NOC4L: variants seen among roughly 807,000 people sequenced by gnomAD.
NOC4L encodes the protein nucleolar complex protein 4 homolog.
Under a neutral mutation model 62.8 loss-of-function variants are expected in NOC4L, and 40 were observed. The observed-to-expected ratio is 0.64, with a 90% confidence interval of 0.49 to 0.83. The LOEUF (loss-of-function observed/expected upper bound fraction) is 0.83. Among genes scored for constraint, NOC4L ranks in the 40% least tolerant of loss-of-function variants. The pLI, the probability that NOC4L is intolerant of heterozygous loss-of-function variation, is 0.00. For missense variants in NOC4L, 927 were observed against 701.9 expected (o/e 1.32, Z -3.62); for synonymous variants, 433 against 299.8 (o/e 1.44, Z -4.59).
chr12:132,151,582 T>C lies in NOC4L; in HGVS notation c.1172T>C (p.Ile391Thr). ...GCCCTGCTCATGGTCCTGCCTTTCA[T>C]CTGTAACCTGCTGCGCCGGCACCCT... ...PEALLMVLPF[I>T]CNLLRRHPAC... Residue 391 changes from isoleucine to threonine, a missense_variant, in exon 12 of 15, where the codon ATC (isoleucine) becomes ACC (threonine). Transcript: ENST00000330579. 1 of 1,611,230 alleles carries C rather than the reference T, an allele frequency of 6.2e-7. No homozygotes were observed. Among genetic ancestry groups the C allele is most frequent in the Non-Finnish European group, 8.5e-7 (1 of 1,179,438 alleles).
rs368007749 is a variant in NOC4L at position 132,145,575 on chromosome 12, A to G, written c.255A>G (p.Thr85=). ...TGTCTGCAGGGTCCCAGGGAGCCAC[A>G]CGGAAGTACAAGGTGTGGATGAGAC... The part of the protein sequence containing the change: ...EMVMTGSQGA[T]RKYKVWMRHR... Residue 85 remains threonine (T), a synonymous_variant, in exon 3 of 15, where the codon ACA becomes ACG. Coordinates refer to ENST00000330579, the MANE Select transcript of NOC4L (RefSeq NM_024078.3). The G allele has an allele frequency of 2.5e-6, 4 of 1,612,854 alleles. No homozygotes were observed. The highest frequency in any genetic ancestry group is 3.4e-6 in the Non-Finnish European group (4 of 1,179,594).
chr12:132,148,683 G>T (rs765554056), intron 8 of NOC4L, 24 bp downstream of exon 8: 15 of 1,537,410 alleles, frequency 9.8e-6, no homozygotes, highest in African/African-American at 1.4e-5. Flanking sequence ...CGGGGAGGGG[G>T]CGGGGGCGGC....
At position 132,147,385 on chromosome 12, in the gene NOC4L, C is replaced by T. The variant is rs1385128708; in HGVS notation, c.450C>T (p.Phe150=). Residue 150 remains phenylalanine, a synonymous_variant, in exon 4 of 15, where the codon TTC becomes TTT. Transcript: ENST00000330579. ...EGNYLFPREL[F]KLVVGGLLSP... Reference sequence around the variant, plus strand: ...ACTACCTGTTCCCCCGAGAGCTCTTCAAGGTGAGGGCCTTGCTGGGGACTC... The same window carrying T: ...ACTACCTGTTCCCCCGAGAGCTCTTTAAGGTGAGGGCCTTGCTGGGGACTC... 1 of 1,585,678 alleles carries T rather than the reference C, an allele frequency of 6.3e-7. No homozygotes were observed. The highest frequency in any genetic ancestry group is 1.3e-5 in the African/African-American group (1 of 74,478).
chr12:132,151,225 C>G, intron 10 of NOC4L, 33 bp from the exon 11 acceptor site: 1 of 1,572,240 alleles, frequency 6.4e-7, no homozygotes, highest in African/African-American at 1.3e-5. Context: ...CCGGGCCCTG[C>G]TCCATCCGCT....
chr12:132,151,248 C>T lies in NOC4L; in HGVS notation c.963-10C>T, dbSNP rs368495442. ...TGCTCCATCCGCTGCTCCTTCCCCCCGGCCCGCAGGGAGTACCCTGACTTC... is the reference window on the plus strand; with the variant it reads ...TGCTCCATCCGCTGCTCCTTCCCCCTGGCCCGCAGGGAGTACCCTGACTTC... On this transcript the variant is annotated splice_polypyrimidine_tract_variant and intron_variant, in intron 10 of 14. Transcript: ENST00000330579. 2.3e-5 allele frequency: 37 copies of T among 1,605,968 alleles called. No homozygotes were observed. Among genetic ancestry groups the T allele is most frequent in the South Asian group, 1.4e-4 (13 of 90,980 alleles).
chr12:132,148,806 A>C lies in NOC4L; in HGVS notation c.812A>C (p.Lys271Thr). ...KHKLPLSLYK[K>T]VLLIVHDAIL... ...CAGCTGCCCCTCAGCCTCTACAAGA[A>C]GGTGCTGCTGATTGTGCATGACGCC... Residue 271 changes from lysine (K) to threonine (T), a missense_variant, in exon 9 of 15, where the codon AAG (lysine) becomes ACG (threonine). Transcript: ENST00000330579. 6.3e-7 allele frequency: 1 copy of C among 1,590,486 alleles called. No individual in the cohort carries two copies. Among genetic ancestry groups the C allele is most frequent in the Non-Finnish European group, 8.5e-7 (1 of 1,172,752 alleles).
chr12:132,147,451 C>T (rs1000977919), intron 4 of NOC4L, 63 bp downstream of exon 4: 83 of 1,495,382 alleles, frequency 5.6e-5, no homozygotes, highest in East Asian at 9.7e-5. Flanking sequence ...AGGATGGCCC[C>T]GTAGTGGGGG....
At position 132,151,736 on chromosome 12, in the gene NOC4L, A is replaced by G. The variant is rs532646512; in HGVS notation, c.1235-2A>G. On this transcript the variant is annotated splice_acceptor_variant, in intron 12 of 14. Coordinates refer to ENST00000330579, the MANE Select transcript of NOC4L (RefSeq NM_024078.3). LOFTEE classifies it high-confidence loss of function. Reference sequence around the variant, plus strand: ...AGACAAGGGCCCACGTCTCATTCCTAGAGTTGGACGCCGACCCCTACGACC... The same window carrying G: ...AGACAAGGGCCCACGTCTCATTCCTGGAGTTGGACGCCGACCCCTACGACC... 193 of 1,612,228 alleles carry G rather than the reference A, an allele frequency of 1.2e-4. 5 individuals are homozygous for G. In the South Asian group the frequency reaches 2.1e-3, roughly 17 times the overall value.
Position 132,147,883 on chromosome 12 carries a change from C to T in NOC4L, c.607C>T (p.Pro203Ser), listed in dbSNP as rs761788217. 10 of 1,608,692 alleles carry T rather than the reference C, an allele frequency of 6.2e-6. No homozygotes were observed. The highest frequency in any genetic ancestry group is 1.3e-5 in the African/African-American group (1 of 75,002). The change falls in exon 6 of 15, where the codon CCC becomes TCC. Residue 203 changes from proline (P) to serine (S), a missense_variant. Physicochemically the swap from Pro to Ser is moderately conservative, Grantham distance 74. Transcript: ENST00000330579. ...ARVTGQHPEV[P>S]PAFWNNAFTL... Reference sequence around the variant, plus strand: ...GCACTCAGGCCAGGCTCCGCAGGTGCCCCCCGCCTTTTGGAACAATGCCTT... The same window carrying T: ...GCACTCAGGCCAGGCTCCGCAGGTGTCCCCCGCCTTTTGGAACAATGCCTT...
intron 1 of NOC4L, 43 bp downstream of exon 1, chr12:132,144,648 G>C: frequency 6.8e-7 from 1 of 1,470,436 alleles, no homozygotes; most frequent in Non-Finnish European, 8.9e-7. Flanking sequence ...CGGCACGGGA[G>C]CGGGACTTGA....
At position 132,147,982 on chromosome 12, in the gene NOC4L, G is replaced by A. The variant is rs772554226; in HGVS notation, c.703+3G>A. On this transcript the variant is annotated splice_donor_region_variant and intron_variant, in intron 6 of 14. Transcript: ENST00000330579. The stretch of plus-strand genomic sequence containing the variant: ...CAGCTTCTATGTGAAGCGGGCGGGT[G>A]AGTGTGCTGAGAGTCAGGGGCGGAC... 4.3e-6 allele frequency: 7 copies of A among 1,611,390 alleles called. No homozygotes were observed. Among genetic ancestry groups the A allele is most frequent in the African/African-American group, 2.7e-5 (2 of 74,884 alleles).
chr12:132,147,643 G>T lies in NOC4L; in HGVS notation c.464G>T (p.Gly155Val), dbSNP rs1461299747. ...GGTCCTTGCCCCTAGTTGGTGGTGG[G>T]AGGCCTGCTGTCTCCTGAGGAGGAC... ...FPRELFKLVV[G>V]GLLSPEEDQS... Residue 155 changes from glycine to valine, a missense_variant, in exon 5 of 15, where the codon GGA (glycine) becomes GTA (valine). Physicochemically the swap from Gly to Val is moderately radical, Grantham distance 109. Transcript: ENST00000330579. The T allele has an allele frequency of 1.9e-6, 3 of 1,612,840 alleles. No homozygotes were observed. The East Asian group carries it at 6.7e-5, about 36-fold the overall frequency.
At chr12:132,144,715 G>T in intron 1 of NOC4L, 110 bp downstream of exon 1, 1 of 1,462,178 alleles carries the variant, frequency 6.8e-7, no homozygotes, top group African/African-American at 1.4e-5. Context: ...TGGGGGGTCA[G>T]GGTGGGAGGC....
At chr12:132,145,050 C>G in intron 2 of NOC4L, 76 bp downstream of exon 2, 1 of 1,498,106 alleles carries the variant, frequency 6.7e-7, no homozygotes, top group Non-Finnish European at 9.0e-7. Context: ...ATGGGATGAG[C>G]GCCCCCAACC....
intron 3 of NOC4L, 123 bp from the exon 4 acceptor site, chr12:132,147,158 A>C (rs1897754295): frequency 1.6e-6 from 1 of 628,998 alleles, no homozygotes; most frequent in East Asian, 3.2e-5. Flanking sequence ...GGAGCAAGAG[A>C]AGGCCCGGCC....
intron 3 of NOC4L, chr12:132,146,235 T>A (rs1340273022): frequency 2.2e-6 from 1 of 455,966 alleles, no homozygotes; most frequent in Non-Finnish European, 4.4e-6. Flanking sequence ...GTTTGCTTTT[T>A]TTAGACGCTC....
chr12:132,150,892 C>T, intron 9 of NOC4L, 89 bp from the exon 10 acceptor site: 4 of 958,548 alleles, frequency 4.2e-6, no homozygotes, highest in Non-Finnish European at 4.8e-6. Context: ...GGGCAGAGGC[C>T]ACACTCCACA....
At position 132,151,753 on chromosome 12, in the gene NOC4L, C is replaced by T; in HGVS notation, c.1250C>T (p.Pro417Leu). The change falls in exon 13 of 15, where the codon CCC becomes CTC. Residue 417 changes from proline to leucine, a missense_variant. By Grantham distance (98) the Pro-to-Leu change is moderately conservative. Coordinates refer to ENST00000330579, the MANE Select transcript of NOC4L (RefSeq NM_024078.3). ...TCATTCCTAGAGTTGGACGCCGACC[C>T]CTACGACCCTGGAGAGGAGGACCCA... ...RPHGPELDAD[P>L]YDPGEEDPAQ... 10 of 1,612,396 alleles carry T rather than the reference C, an allele frequency of 6.2e-6. No individual in the cohort carries two copies. The highest frequency in any genetic ancestry group is 7.6e-6 in the Non-Finnish European group (9 of 1,179,826).
At position 132,151,020 on chromosome 12, in the gene NOC4L, T is replaced by C; in HGVS notation, c.941T>C (p.Ile314Thr). The C allele has an allele frequency of 1.9e-6, 3 of 1,611,452 alleles. No homozygotes were observed. The highest frequency in any genetic ancestry group is 2.5e-6 in the Non-Finnish European group (3 of 1,179,270). ...CTCTTGGCCTTGAACGGGCTGTTCA[T>C]CTTGATTCACAAACACAACCTGTGA... ...LSLLALNGLFILIHKHNLEYP... is the reference protein window; with the variant it reads ...LSLLALNGLFTLIHKHNLEYP... Residue 314 changes from isoleucine (I) to threonine (T), a missense_variant, in exon 10 of 15, where the codon ATC (isoleucine) becomes ACC (threonine). Ile to Thr is a moderately conservative substitution (Grantham distance 89). Transcript: ENST00000330579.
Sources: gnomAD v4.1 joint callset for allele counts on GRCh38, gnomAD v4.1.1 for gene constraint, MANE v1.5 for transcripts, NCBI Gene and HGNC (gene_info 2026-07-23, HGNC 2026-07-21) for gene names.